Variants in PPP4R2 observed in about 807,000 individuals in gnomAD.
PPP4R2 encodes the protein serine/threonine-protein phosphatase 4 regulatory subunit 2.
Under a neutral mutation model 47.2 loss-of-function variants are expected in PPP4R2, and 13 were observed. That is an observed-to-expected ratio of 0.28 (90% CI 0.18 to 0.44). The LOEUF (loss-of-function observed/expected upper bound fraction) is 0.44, where lower values mean the gene tolerates loss of function less well. Among genes scored for constraint, PPP4R2 ranks in the 20% least tolerant of loss-of-function variants. PPP4R2 has a pLI of 1.00. For synonymous variants in PPP4R2, 151 were observed against 163.3 expected (o/e 0.92, Z 0.57); for missense variants, 421 against 491.2 (o/e 0.86, Z 1.35).
rs137914018 is a variant in PPP4R2 at position 73,000,604 on chromosome 3, C to G, written c.116+2446C>G. 5.2e-3 allele frequency among the ~76,000 whole-genome samples: 785 copies of G among 152,194 alleles called. 7 individuals carry two copies. Among genetic ancestry groups the G allele is most frequent in the African/African-American group, 0.018 (756 of 41,522 alleles). On this transcript the variant is annotated intron_variant, in intron 2 of 8. Coordinates refer to ENST00000356692, the MANE Select transcript of PPP4R2 (RefSeq NM_174907.4). Reference sequence around the variant, plus strand: ...AATTTGAACATTTTTACTTCTTAGTCTATTAAAATTACCTGTAAACATCTG... The same window carrying G: ...AATTTGAACATTTTTACTTCTTAGTGTATTAAAATTACCTGTAAACATCTG...
chr3:73,019,137 G>T (rs1028291155), intron 2 of PPP4R2, among the ~76,000 whole-genome samples: 8 of 152,078 alleles, frequency 5.3e-5, no homozygotes, highest in African/African-American at 1.7e-4. Flanking sequence ...CCTATGTTCA[G>T]ACATACGAAT....
chr3:73,058,964 AG>A (rs1559567908), intron 3 of PPP4R2, 72 bp from the exon 4 acceptor site: 4 of 921,728 alleles, frequency 4.3e-6, no homozygotes, highest in Non-Finnish European at 6.7e-6. Flanking sequence ...AGCTTTACCT[AG>A]CAAAAGAAAT....
intron 3 of PPP4R2, among the ~76,000 whole-genome samples, chr3:73,050,061 C>T (rs1702579046): frequency 6.6e-6 from 1 of 152,128 alleles, no homozygotes. Context: ...CAGCCTCAAC[C>T]TCTCGAGTAG....
Position 73,048,660 on chromosome 3 carries a change from A to C in PPP4R2, c.287+1304A>C, listed in dbSNP as rs545705962. ...TTAACTTAGGGTGTGGAACAACAATACCAAATATAATGAATTGTGGTTTTT... is the reference window on the plus strand; with the variant it reads ...TTAACTTAGGGTGTGGAACAACAATCCCAAATATAATGAATTGTGGTTTTT... On this transcript the variant is annotated intron_variant, in intron 3 of 8. Coordinates refer to ENST00000356692, the MANE Select transcript of PPP4R2 (RefSeq NM_174907.4). 6.6e-5 allele frequency among the ~76,000 whole-genome samples: 10 copies of C among 152,358 alleles called. No individual in the cohort carries two copies. In the South Asian group the frequency reaches 1.4e-3, roughly 22 times the overall value.
intron 2 of PPP4R2, chr3:73,015,793 A>G: frequency 2.2e-6 from 1 of 446,028 alleles, no homozygotes; most frequent in Non-Finnish European, 4.5e-6. Context: ...TCCCGCCACC[A>G]TGCCCGATTA....
intron 2 of PPP4R2, among the ~76,000 whole-genome samples, chr3:72,998,362 A>C (rs1238357853): frequency 6.6e-6 from 1 of 152,272 alleles, no homozygotes; most frequent in East Asian, 1.9e-4. Context: ...GATTTTAAAA[A>C]CCTGTGTATG....
intron 5 of PPP4R2, chr3:73,062,815 C>G (rs979178688): frequency 1.2e-6 from 2 of 1,613,816 alleles, no homozygotes; most frequent in African/African-American, 1.3e-5. Context: ...TGGATCAGCT[C>G]AAGACCATGG....
At chr3:72,997,209 C>A in intron 1 of PPP4R2, 138 bp downstream of exon 1, 1 of 581,386 alleles carries the variant, frequency 1.7e-6, no homozygotes, top group Non-Finnish European at 2.7e-6. Context: ...TCCCCCTCCA[C>A]CTCCCCAGGG....
intron 2 of PPP4R2, among the ~76,000 whole-genome samples, chr3:72,998,374 T>A (rs995554756): frequency 6.6e-6 from 1 of 152,252 alleles, no homozygotes; most frequent in Non-Finnish European, 1.5e-5. Flanking sequence ...CTGTGTATGT[T>A]AAAATTTTCT....
intron 5 of PPP4R2, chr3:73,062,355 G>A: frequency 6.2e-7 from 1 of 1,607,192 alleles, no homozygotes; most frequent in Non-Finnish European, 8.5e-7. Flanking sequence ...GGATGCATTG[G>A]AACCCCAACC....
chr3:73,031,257 T>C (rs1023963090), intron 2 of PPP4R2, among the ~76,000 whole-genome samples: 5 of 152,132 alleles, frequency 3.3e-5, no homozygotes, highest in Admixed American at 1.3e-4. Context: ...TTTATTTTTA[T>C]GGCTGGGCGC....
At chr3:73,051,063 C>T (rs1178160255) in intron 3 of PPP4R2, among the ~76,000 whole-genome samples, 3 of 152,112 alleles carry the variant, frequency 2.0e-5, no homozygotes, top group East Asian at 1.9e-4. Flanking sequence ...TACTGGCATG[C>T]GCCACCACAC....
chr3:72,998,966 G>A (rs1450437505), intron 2 of PPP4R2, among the ~76,000 whole-genome samples: 1 of 152,182 alleles, frequency 6.6e-6, no homozygotes, highest in Admixed American at 6.5e-5. Flanking sequence ...TATCTGCCCA[G>A]TATGAGTGTA....
At chr3:73,047,139 T>C (rs762123260) in intron 2 of PPP4R2, 47 bp from the exon 3 acceptor site, 2 of 1,085,562 alleles carry the variant, frequency 1.8e-6, no homozygotes, top group Non-Finnish European at 2.6e-6. Context: ...TGTTCAAGAA[T>C]TGTGAAGCTA....
At chr3:73,027,582 G>A (rs1002698647) in intron 2 of PPP4R2, among the ~76,000 whole-genome samples, 2 of 151,980 alleles carry the variant, frequency 1.3e-5, no homozygotes, top group Non-Finnish European at 2.9e-5. Context: ...TCAATCACCA[G>A]ATAATTATTG....
At chr3:73,050,064 T>C (rs2107316084) in intron 3 of PPP4R2, among the ~76,000 whole-genome samples, 1 of 152,150 alleles carries the variant, frequency 6.6e-6, no homozygotes, top group South Asian at 2.1e-4. Flanking sequence ...CCTCAACCTC[T>C]CGAGTAGCTG....
Position 73,067,760 on chromosome 3 carries a change from A to T in PPP4R2, c.*2038A>T, listed in dbSNP as rs1703030575. On this transcript the variant is annotated 3_prime_UTR_variant, in exon 9 of 9. Coordinates refer to ENST00000356692, the MANE Select transcript of PPP4R2 (RefSeq NM_174907.4). ...GTTGGTTGTAAGTTGAAGATTTAGC[A>T]TTATGACTTTGAGGTCTGTGGTTTT... The T allele has an allele frequency of 6.6e-6, 1 of 152,210 alleles. No individual in the cohort carries two copies. The highest frequency in any genetic ancestry group is 6.5e-5 in the Admixed American group (1 of 15,282). The allele number at this position is 152,210 out of a possible 1,614,324, so 9.4% of individuals were successfully genotyped here. A position where few individuals can be genotyped will look rare whatever the true frequency, so the allele number is the denominator to read the frequency against.
intron 2 of PPP4R2, among the ~76,000 whole-genome samples, chr3:73,041,787 G>A (rs1702384681): frequency 6.6e-6 from 1 of 152,182 alleles, no homozygotes; most frequent in Non-Finnish European, 1.5e-5. Context: ...GTTGGCCGCT[G>A]GCCACTAAAT....
chr3:73,032,392 G>A (rs970041485), intron 2 of PPP4R2, among the ~76,000 whole-genome samples: 6 of 141,760 alleles, frequency 4.2e-5, no homozygotes, highest in South Asian at 2.2e-4. Flanking sequence ...TGGTTCAAGC[G>A]ATTCTCCTGC....
Sources: allele counts gnomAD v4.1 joint callset (sites outside exome capture counted in the v4.1 genomes callset), GRCh38; gene constraint gnomAD v4.1.1; transcripts MANE v1.5; gene names NCBI Gene and HGNC (gene_info 2026-07-23, HGNC 2026-07-21).